TMTC1: variants seen among roughly 807,000 people sequenced by gnomAD.
TMTC1 encodes protein O-mannosyl-transferase TMTC1.
In TMTC1, 73 loss-of-function variants were observed where a neutral mutation model predicts 104.8. The ratio of observed to expected loss-of-function variants is 0.70; its 90% CI spans 0.58 to 0.85. The LOEUF is 0.85. Ranked by LOEUF, TMTC1 falls within the 40% of genes least tolerant of loss-of-function variation. The probability of loss-of-function intolerance (pLI) is 0.00; values close to 1 mark genes in which losing one functional copy is unlikely to be tolerated. For missense variants in TMTC1, 1,035 were observed against 1,096.1 expected, an observed-to-expected ratio of 0.94 and a Z score of 0.79; for synonymous variants, 434 against 428.7, an observed-to-expected ratio of 1.01 and a Z score of -0.15.
Position 29,732,663 on chromosome 12 carries a change from C to T in TMTC1, c.938+19003G>A, listed in dbSNP as rs114373261. Among the ~76,000 whole-genome samples, 501 of 152,046 alleles carry T rather than the reference C, an allele frequency of 3.3e-3. 1 individual carries two copies. Among genetic ancestry groups the T allele is most frequent in the African/African-American group, 0.012 (479 of 41,506 alleles). On this transcript the variant is annotated intron_variant, in intron 5 of 17. Transcript: ENST00000539277. ...TTATCATAGTGATTAGCATATAGTA[C>T]GGGATTTAAAAAAAATTACAGTCTG...
At chr12:29,607,434 G>C (rs1485372249) in intron 6 of TMTC1, among the ~76,000 whole-genome samples, 3 of 152,170 alleles carry the variant, frequency 2.0e-5, no homozygotes, top group African/African-American at 7.2e-5. Flanking sequence ...GGGCTTTTTG[G>C]TGGAGGTGAC....
At chr12:29,531,734 T>A (rs1322320400) in intron 11 of TMTC1, among the ~76,000 whole-genome samples, 1 of 152,138 alleles carries the variant, frequency 6.6e-6, no homozygotes, top group Non-Finnish European at 1.5e-5. Flanking sequence ...CTGTTCTCAG[T>A]TTTCTTGACT....
intron 6 of TMTC1, among the ~76,000 whole-genome samples, chr12:29,608,052 A>G (rs1946748891): frequency 6.6e-6 from 1 of 152,232 alleles, no homozygotes; most frequent in Non-Finnish European, 1.5e-5. Flanking sequence ...TTTTCAAATT[A>G]AATGGATGAC....
chr12:29,722,941 A>C (rs112515542), intron 5 of TMTC1, among the ~76,000 whole-genome samples: 13 of 117,534 alleles, frequency 1.1e-4, no homozygotes, highest in African/African-American at 4.2e-4. Context: ...AAAAAGGAAG[A>C]AAGAAAGAAA....
intron 1 of TMTC1, among the ~76,000 whole-genome samples, chr12:29,772,887 T>C (rs1231956096): frequency 2.0e-5 from 3 of 152,204 alleles, no homozygotes; most frequent in Admixed American, 1.3e-4. Flanking sequence ...CTTTTTGTCA[T>C]TGTATCCATC....
chr12:29,757,959 G>A (rs1018336149), intron 3 of TMTC1, among the ~76,000 whole-genome samples: 7 of 152,126 alleles, frequency 4.6e-5, no homozygotes, highest in African/African-American at 1.7e-4. Context: ...TGGAAATTGT[G>A]GGAGTTACAA....
At position 29,504,848 on chromosome 12, in the gene TMTC1, A is replaced by C. The variant is rs1280280891; in HGVS notation, c.*1998T>G. 1.3e-5 allele frequency: 2 copies of C among 152,190 alleles called. No individual in the cohort carries two copies. Among genetic ancestry groups the C allele is most frequent in the Non-Finnish European group, 2.9e-5 (2 of 68,026 alleles). 9.4% of individuals were successfully genotyped at this position (152,190 alleles called of 1,614,324 possible). On this transcript the variant is annotated 3_prime_UTR_variant, in exon 18 of 18. Transcript: ENST00000539277. ...GTTTTCATTACAGATTATTCTGAAAAGTTGTAATAAAGTCCTAGACATTCA... is the reference window on the plus strand; with the variant it reads ...GTTTTCATTACAGATTATTCTGAAACGTTGTAATAAAGTCCTAGACATTCA...
At chr12:29,609,827 A>AG (rs1946797020) in intron 6 of TMTC1, 1 of 152,324 alleles carries the variant, frequency 6.6e-6, no homozygotes. Flanking sequence ...GTGAGCCCTA[A>AG]GCGGCCCTGT....
intron 1 of TMTC1, among the ~76,000 whole-genome samples, chr12:29,781,751 T>A (rs1180752098): frequency 6.6e-6 from 1 of 152,158 alleles, no homozygotes; most frequent in Non-Finnish European, 1.5e-5. Context: ...GAATTGCTTA[T>A]GCCCAGAAGT....
chr12:29,769,777 G>C (rs1242859476), intron 1 of TMTC1, among the ~76,000 whole-genome samples: 1 of 152,166 alleles, frequency 6.6e-6, no homozygotes, highest in Non-Finnish European at 1.5e-5. Flanking sequence ...CTGATCGGTA[G>C]GTGTCCAAGT....
intron 16 of TMTC1, among the ~76,000 whole-genome samples, chr12:29,512,507 A>G (rs1007689244): frequency 6.6e-6 from 1 of 152,346 alleles, no homozygotes; most frequent in South Asian, 2.1e-4. Context: ...ATTTTGGAGT[A>G]GTCTTCTGAA....
chr12:29,762,898 C>G (rs1943384946), intron 2 of TMTC1, among the ~76,000 whole-genome samples: 1 of 152,228 alleles, frequency 6.6e-6, no homozygotes, highest in Non-Finnish European at 1.5e-5. Context: ...ACACTACCAC[C>G]TCCTTGAACA....
intron 7 of TMTC1, among the ~76,000 whole-genome samples, chr12:29,587,784 T>C (rs939254942): frequency 2.2e-4 from 34 of 152,214 alleles, no homozygotes; most frequent in Non-Finnish European, 3.4e-4. Flanking sequence ...CTTTCTCTTA[T>C]GTGGCTGGCA....
chr12:29,758,651 A>T, intron 3 of TMTC1, 53 bp downstream of exon 3: 1 of 1,545,098 alleles, frequency 6.5e-7, no homozygotes, highest in African/African-American at 1.4e-5. Context: ...CTCCCAGTCT[A>T]CACACACGGC....
At chr12:29,598,766 G>GT (rs1352490852) in intron 7 of TMTC1, among the ~76,000 whole-genome samples, 1 of 152,026 alleles carries the variant, frequency 6.6e-6, no homozygotes, top group African/African-American at 2.4e-5. Flanking sequence ...ACTGATTTTT[G>GT]TAAGTTAATT....
At chr12:29,631,890 G>C (rs1287619073) in intron 6 of TMTC1, among the ~76,000 whole-genome samples, 2 of 151,976 alleles carry the variant, frequency 1.3e-5, no homozygotes, top group Non-Finnish European at 2.9e-5. Flanking sequence ...CAATGATTTG[G>C]GCAGAGGTTA....
chr12:29,698,206 C>T (rs572168998), intron 5 of TMTC1, among the ~76,000 whole-genome samples: 3 of 152,268 alleles, frequency 2.0e-5, no homozygotes, highest in Non-Finnish European at 4.4e-5. Context: ...GGACAGATTT[C>T]GTCACCAGGT....
At position 29,514,563 on chromosome 12, in the gene TMTC1, CT is replaced by C; in HGVS notation, c.2348del (p.Lys783ArgfsTer17). On this transcript the variant is annotated frameshift_variant, in exon 16 of 18. Transcript: ENST00000539277. LOFTEE classifies it high-confidence loss of function. Reference sequence around the variant, plus strand: ...AAAGTTCAGAAATGACTTTTGGGTCCTTTGGTTTCAGCTGGAGAGCCTTGTC... The same window carrying C: ...AAAGTTCAGAAATGACTTTTGGGTCCTTGGTTTCAGCTGGAGAGCCTTGTC... ...AIDKALQLKPKDPKVISELFF... is the reference protein window; with the variant it reads ...AIDKALQLKPXDPKVISELFF... The C allele has an allele frequency of 6.2e-7, 1 of 1,613,928 alleles. No homozygotes were observed. The highest frequency in any genetic ancestry group is 8.5e-7 in the Non-Finnish European group (1 of 1,179,924).
In TMTC1 at chr12:29,518,615, C is replaced by T. The variant is rs1271388497; in HGVS notation, c.1889-8G>A. 2 of 1,613,792 alleles carry T rather than the reference C, an allele frequency of 1.2e-6. No homozygotes were observed. Among genetic ancestry groups the T allele is most frequent in the East Asian group, 4.5e-5 (2 of 44,872 alleles). On this transcript the variant is annotated splice_polypyrimidine_tract_variant and splice_region_variant and intron_variant, in intron 12 of 17. Transcript: ENST00000539277. ...CTGCCTTTTCTGGTAAGCCTGTAAC[C>T]AGTGACAGGTTGGTAAGAGCAGAAC...
Sources: allele counts gnomAD v4.1 joint callset (sites outside exome capture counted in the v4.1 genomes callset), GRCh38; gene constraint gnomAD v4.1.1; transcripts MANE v1.5; gene names NCBI Gene and HGNC (gene_info 2026-07-23, HGNC 2026-07-21).